ANKRD11: variants seen among roughly 807,000 people sequenced by gnomAD.
The protein encoded by ANKRD11 is ankyrin repeat domain-containing protein 11.
In ANKRD11, 17 loss-of-function variants were observed where a neutral mutation model predicts 195.7. The ratio of observed to expected loss-of-function variants is 0.09; its 90% CI spans 0.06 to 0.13. The LOEUF (loss-of-function observed/expected upper bound fraction) is 0.13. Ranked by LOEUF, ANKRD11 falls within the 10% of genes least tolerant of loss-of-function variation. ANKRD11 has a pLI of 1.00. For synonymous variants in ANKRD11, 1,953 were observed against 1,528.1 expected (o/e 1.28, Z -6.49); for missense variants, 3,735 against 3,566.1 (o/e 1.05, Z -1.21).
intron 2 of ANKRD11, among the ~76,000 whole-genome samples, chr16:89,328,706 T>C (rs3091234): frequency 0.21 from 9,958 of 47,634 alleles, 42 homozygotes; most frequent in Middle Eastern, 0.36. Flanking sequence ...GCGAAATCAG[T>C]GGAGGCCCCT....
Position 89,283,855 on chromosome 16 carries a change from T to C in ANKRD11, c.2687A>G (p.Glu896Gly), listed in dbSNP as rs2151758718. The change falls in exon 9 of 13, where the codon GAG becomes GGG. Residue 896 changes from glutamate (E) to glycine (G), a missense_variant. Coordinates refer to ENST00000301030, the MANE Select transcript of ANKRD11 (RefSeq NM_013275.6). The surrounding 1 kb of genome is among the most constrained non-coding windows in gnomAD (Gnocchi z 4.3). ...GAAGGGCTCTCTGTAGTCTCGCTTC[T>C]CCCGGGCCCGGCTGTCCCGCCTCCT... ...KERRRDSRAREKRDYREPFFR... is the reference protein window; with the variant it reads ...KERRRDSRARGKRDYREPFFR... The C allele has an allele frequency of 1.2e-6, 2 of 1,614,130 alleles. No individual in the cohort carries two copies. The highest frequency in any genetic ancestry group is 1.6e-4 in the Middle Eastern group (1 of 6,062).
At chr16:89,405,597 G>T (rs1213638386) in intron 2 of ANKRD11, among the ~76,000 whole-genome samples, 2 of 150,604 alleles carry the variant, frequency 1.3e-5, no homozygotes, top group East Asian at 3.9e-4. Context: ...GCCTCCCAAA[G>T]TGCTGGGATT....
intron 2 of ANKRD11, among the ~76,000 whole-genome samples, chr16:89,330,724 TTCACTTCCACCTCATCC>T (rs2151964747): frequency 7.3e-6 from 1 of 136,150 alleles, no homozygotes; most frequent in South Asian, 2.5e-4. Flanking sequence ...GTCCCACGGC[TTCACTTCCACCTCATCC>T]TGTTCCTCCT....
intron 2 of ANKRD11, among the ~76,000 whole-genome samples, chr16:89,365,623 A>T (rs1215655626): frequency 6.6e-6 from 1 of 152,230 alleles, no homozygotes; most frequent in African/African-American, 2.4e-5. Flanking sequence ...CACTCAAGAA[A>T]GGGAAGAGCA....
intron 2 of ANKRD11, among the ~76,000 whole-genome samples, chr16:89,318,771 A>C (rs1053924400): frequency 7.9e-5 from 12 of 152,212 alleles, no homozygotes; most frequent in Non-Finnish European, 1.8e-4. Flanking sequence ...CTGGTACAAG[A>C]ACACAGGTGA....
chr16:89,424,845 G>A (rs948614914), intron 1 of ANKRD11, among the ~76,000 whole-genome samples: 10 of 152,128 alleles, frequency 6.6e-5, no homozygotes, highest in Non-Finnish European at 1.2e-4. Context: ...GCCCCCAGTG[G>A]TGAACACGCA....
At chr16:89,477,245 T>C (rs762419624) in intron 1 of ANKRD11, among the ~76,000 whole-genome samples, 1 of 150,622 alleles carries the variant, frequency 6.6e-6, no homozygotes, top group Non-Finnish European at 1.5e-5. Flanking sequence ...CAAGCTGGAG[T>C]GCAGTGGCGC....
intron 4 of ANKRD11, among the ~76,000 whole-genome samples, chr16:89,304,395 T>A (rs1260320912): frequency 1.4e-5 from 2 of 143,518 alleles, no homozygotes; most frequent in Non-Finnish European, 3.0e-5. Flanking sequence ...AACGCACACA[T>A]GGGCATACAC....
chr16:89,419,705 C>T (rs1021502386), intron 1 of ANKRD11, among the ~76,000 whole-genome samples: 2 of 152,174 alleles, frequency 1.3e-5, no homozygotes, highest in Non-Finnish European at 2.9e-5. Flanking sequence ...CCCGGCTCTG[C>T]ACTTAGCATC....
intron 1 of ANKRD11, among the ~76,000 whole-genome samples, chr16:89,488,449 C>A (rs866448995): frequency 6.6e-5 from 10 of 151,616 alleles, no homozygotes; most frequent in African/African-American, 2.2e-4. Flanking sequence ...CGCCCCCCCC[C>A]CTTTTTTTCT....
At chr16:89,357,299 G>C (rs1047277867) in intron 2 of ANKRD11, among the ~76,000 whole-genome samples, 1 of 152,184 alleles carries the variant, frequency 6.6e-6, no homozygotes, top group African/African-American at 2.4e-5. Context: ...AGGGCAGTCA[G>C]GGACTGTGCT....
At chr16:89,297,021 C>T (rs543612142) in intron 4 of ANKRD11, among the ~76,000 whole-genome samples, 2 of 152,102 alleles carry the variant, frequency 1.3e-5, no homozygotes, top group Non-Finnish European at 2.9e-5. Flanking sequence ...ACAAGCTTTC[C>T]GTGGGGTCTG....
chr16:89,307,017 G>A (rs1274402914), intron 3 of ANKRD11, among the ~76,000 whole-genome samples: 4 of 151,088 alleles, frequency 2.6e-5, no homozygotes, highest in East Asian at 2.0e-4. Context: ...CGTGGGGAGG[G>A]GGCAGTGTGA....
At position 89,407,179 on chromosome 16, in the gene ANKRD11, C is replaced by G. The variant is rs540664073; in HGVS notation, c.-60+11105G>C. On this transcript the variant is annotated intron_variant, in intron 2 of 12. Coordinates refer to ENST00000301030, the MANE Select transcript of ANKRD11 (RefSeq NM_013275.6). ...CAGCCTGGGCAACAAGAGCGAAACC[C>G]CGTCTCAAAAAGATAAAAAAAAAAG... 2.7e-4 allele frequency among the ~76,000 whole-genome samples: 41 copies of G among 151,578 alleles called. No homozygotes were observed. The South Asian group carries it at 7.2e-3, about 26-fold the overall frequency.
intron 2 of ANKRD11, among the ~76,000 whole-genome samples, chr16:89,401,018 C>T (rs1041763695): frequency 1.3e-5 from 2 of 152,214 alleles, no homozygotes; most frequent in African/African-American, 4.8e-5. Flanking sequence ...GGAGGCCCCG[C>T]GTGTGGGTGG....
rs558256008 is a variant in ANKRD11, at chr16:89,407,111, G to A, written c.-60+11173C>T. Among the ~76,000 whole-genome samples, 139 of 152,090 alleles carry A rather than the reference G, an allele frequency of 9.1e-4. 1 individual carries two copies. The highest frequency in any genetic ancestry group is 2.6e-3 in the African/African-American group (106 of 41,448). ...TGAGGCTGGTGAAGCCCAGGTACTC[G>A]GGAGGCGGAGGAGGCGGTGAGTTGA... On this transcript the variant is annotated intron_variant, in intron 2 of 12. Coordinates refer to ENST00000301030, the MANE Select transcript of ANKRD11 (RefSeq NM_013275.6).
rs1180803050 is a variant in ANKRD11 at position 89,489,806 on chromosome 16, C to T, written c.-145+439G>A. 3.5e-5 allele frequency among the ~76,000 whole-genome samples: 5 copies of T among 143,210 alleles called. No individual in the cohort carries two copies. The Middle Eastern group carries it at 0.02, about 577-fold the overall frequency. 94.0% of individuals were successfully genotyped at this position (143,210 alleles called of 152,430 possible). On this transcript the variant is annotated intron_variant, in intron 1 of 12. Transcript: ENST00000301030. ...GGCCCGCCCCGGAGCCCCCTGTCCG[C>T]CTCTCACGGCCGCCCCGGGCCCCCA...
At chr16:89,476,051 C>G (rs975857876) in intron 1 of ANKRD11, among the ~76,000 whole-genome samples, 5 of 66,246 alleles carry the variant, frequency 7.5e-5, no homozygotes, top group Non-Finnish European at 1.5e-4. Context: ...GACTGTGTCT[C>G]AAAAAAAAAA....
At chr16:89,470,019 C>T (rs1262853158) in intron 1 of ANKRD11, among the ~76,000 whole-genome samples, 1 of 151,198 alleles carries the variant, frequency 6.6e-6, no homozygotes, top group Non-Finnish European at 1.5e-5. Flanking sequence ...CACTCTCCTA[C>T]CTCAGCCTCT....
Sources: allele counts gnomAD v4.1 joint callset (sites outside exome capture counted in the v4.1 genomes callset), GRCh38; gene constraint gnomAD v4.1.1; non-coding constraint Gnocchi (gnomAD v3.1); transcripts MANE v1.5; gene names NCBI Gene and HGNC (gene_info 2026-07-23, HGNC 2026-07-21).